Variants in SLC13A4 observed in about 807,000 individuals in gnomAD.
SLC13A4 encodes solute carrier family 13 member 4, also known as Na(+)/sulfate cotransporter SUT-1.
In SLC13A4, 28 loss-of-function variants were observed where a neutral mutation model predicts 72.7. That is an observed-to-expected ratio of 0.39 (90% confidence interval 0.29 to 0.53). SLC13A4 has a LOEUF of 0.53. SLC13A4 is among the 20% of genes least tolerant of loss of function. SLC13A4 has a pLI of 0.78. For missense variants in SLC13A4, 653 were observed against 788.0 expected, an observed-to-expected ratio of 0.83 and a Z score of 2.05; for synonymous variants, 312 against 325.5, an observed-to-expected ratio of 0.96 and a Z score of 0.45.
chr7:135,683,480 C>A (rs1244349552), intron 15 of SLC13A4: 17 of 978,866 alleles, frequency 1.7e-5, no homozygotes, highest in Non-Finnish European at 2.1e-5. Flanking sequence ...TCCATCCTCT[C>A]CCCCCCCGCT....
chr7:135,708,063 AC>A (rs1796208533), intron 3 of SLC13A4, 50 bp downstream of exon 3: 1 of 1,591,176 alleles, frequency 6.3e-7, no homozygotes, highest in African/African-American at 1.3e-5. Context: ...CTGGTGGCAC[AC>A]TGGGAGCTAG....
chr7:135,688,263 A>G (rs1292654730), intron 13 of SLC13A4, among the ~76,000 whole-genome samples: 2 of 149,798 alleles, frequency 1.3e-5, no homozygotes, highest in African/African-American at 4.9e-5. Context: ...GGCATGATCC[A>G]CTGTGCCCAG....
At chr7:135,690,675 T>C (rs751972760) in intron 13 of SLC13A4, among the ~76,000 whole-genome samples, 3 of 152,136 alleles carry the variant, frequency 2.0e-5, no homozygotes, top group African/African-American at 4.8e-5. Context: ...CCATGTGTCA[T>C]GACTGTGTGG....
chr7:135,724,310 C>T (rs1796605265), intron 1 of SLC13A4, among the ~76,000 whole-genome samples: 1 of 152,136 alleles, frequency 6.6e-6, no homozygotes, highest in Non-Finnish European at 1.5e-5. Context: ...GCCTGGCCAA[C>T]ATGGCGAAAC....
At chr7:135,683,473 A>G (rs1182511808) in intron 15 of SLC13A4, 2 of 983,912 alleles carry the variant, frequency 2.0e-6, no homozygotes, top group Non-Finnish European at 1.2e-6. Context: ...AGTGTTTTCC[A>G]TCCTCTCCCC....
intron 13 of SLC13A4, among the ~76,000 whole-genome samples, chr7:135,687,600 A>C (rs1412752497): frequency 6.6e-6 from 1 of 152,078 alleles, no homozygotes; most frequent in East Asian, 1.9e-4. Flanking sequence ...TACAAACCCA[A>C]TATGTGCAGA....
chr7:135,702,816 C>T, intron 6 of SLC13A4, 29 bp downstream of exon 6: 1 of 1,605,656 alleles, frequency 6.2e-7, no homozygotes, highest in Non-Finnish European at 8.5e-7. Flanking sequence ...CAAGTGATTC[C>T]AAAGCACAGA....
chr7:135,693,540 G>A (rs1470586726), intron 10 of SLC13A4: 2 of 152,108 alleles, frequency 1.3e-5, no homozygotes, highest in African/African-American at 4.8e-5. Flanking sequence ...ATAACTTAAA[G>A]CTTTAAATAA....
At position 135,721,428 on chromosome 7, in the gene SLC13A4, A is replaced by G. The variant is rs4596594; in HGVS notation, c.195T>C (p.Leu65=). The G allele has an allele frequency of 0.46, 739,102 of 1,613,378 alleles. 170,767 individuals are homozygous for G. The highest frequency in any genetic ancestry group is 0.53 in the Middle Eastern group (3,222 of 6,060). Residue 65 remains leucine, a synonymous_variant, in exon 2 of 16, where the codon CTT becomes CTC. Coordinates refer to ENST00000682651, the MANE Select transcript of SLC13A4 (RefSeq NM_001318192.2). ...ACCGGAGGACTCCGAAGAACGGGTA[A>G]AGGAAGGCCGGCACCAGGGCTGCAG... ...LGAAALVPAF[L]YPFFGVLRSN... is the part of the protein sequence containing the mutation.
chr7:135,689,193 TA>T (rs941798968), intron 13 of SLC13A4, among the ~76,000 whole-genome samples: 26 of 146,980 alleles, frequency 1.8e-4, no homozygotes, highest in East Asian at 5.9e-4. Flanking sequence ...CAATTTTGGT[TA>T]AAAAAAAAAA....
At chr7:135,721,606 A>T in intron 1 of SLC13A4, 83 bp from the exon 2 acceptor site, 2 of 1,550,976 alleles carry the variant, frequency 1.3e-6, no homozygotes, top group Non-Finnish European at 1.8e-6. Flanking sequence ...CATCTGAGGC[A>T]GCAGACTCAG....
intron 13 of SLC13A4, among the ~76,000 whole-genome samples, chr7:135,689,324 G>C (rs545149970): frequency 1.3e-5 from 2 of 152,180 alleles, no homozygotes; most frequent in Non-Finnish European, 2.9e-5. Flanking sequence ...TATAGGATGG[G>C]GTGAAGGTCC....
intron 2 of SLC13A4, among the ~76,000 whole-genome samples, chr7:135,718,087 ACGCGCG>A (rs1321726815): frequency 5.9e-4 from 49 of 83,410 alleles, no homozygotes; most frequent in African/African-American, 1.9e-3. Flanking sequence ...ACACACACAC[ACGCGCG>A]CGCGCGCACG....
rs568491822 is a variant in SLC13A4, at chr7:135,726,204, GA to G, written c.99+1193del. ...ACAAAAACAAGAAAAGCCACAAAAA[GA>G]AAAAAAATCAGGCCCATTTGGACAA... On this transcript the variant is annotated intron_variant, in intron 1 of 15. Coordinates refer to ENST00000682651, the MANE Select transcript of SLC13A4 (RefSeq NM_001318192.2). Among the ~76,000 whole-genome samples, 111 of 151,952 alleles carry G rather than the reference GA, an allele frequency of 7.3e-4. No individual in the cohort carries two copies. The Middle Eastern group carries it at 0.01, about 14-fold the overall frequency.
At chr7:135,725,146 A>AT (rs1011250973) in intron 1 of SLC13A4, among the ~76,000 whole-genome samples, 1 of 152,106 alleles carries the variant, frequency 6.6e-6, no homozygotes, top group African/African-American at 2.4e-5. Flanking sequence ...GCTATCTACT[A>AT]TTTTTTGGCT....
At chr7:135,700,522 C>G (rs967261078) in intron 7 of SLC13A4, among the ~76,000 whole-genome samples, 1 of 152,322 alleles carries the variant, frequency 6.6e-6, no homozygotes, top group Middle Eastern at 3.4e-3. Context: ...CCCTCCAGAC[C>G]TCTAAAAGAT....
chr7:135,723,230 G>A (rs1796583998), intron 1 of SLC13A4, among the ~76,000 whole-genome samples: 1 of 152,152 alleles, frequency 6.6e-6, no homozygotes, highest in African/African-American at 2.4e-5. Context: ...ACTGAAGACA[G>A]CCATCTATCT....
chr7:135,696,350 T>A (rs923891157), intron 8 of SLC13A4, among the ~76,000 whole-genome samples: 1 of 152,144 alleles, frequency 6.6e-6, no homozygotes, highest in Non-Finnish European at 1.5e-5. Flanking sequence ...TTTATTTTTT[T>A]ATTTTTATTT....
At chr7:135,705,466 G>C in intron 5 of SLC13A4, 130 bp downstream of exon 5, 1 of 781,510 alleles carries the variant, frequency 1.3e-6, no homozygotes, top group Non-Finnish European at 2.1e-6. Flanking sequence ...GGGGTGGGGG[G>C]GTGGTGTGGC....
Sources: allele counts gnomAD v4.1 joint callset (sites outside exome capture counted in the v4.1 genomes callset), GRCh38; gene constraint gnomAD v4.1.1; transcripts MANE v1.5; gene names NCBI Gene and HGNC (gene_info 2026-07-23, HGNC 2026-07-21).